ADCY5: variants seen among roughly 807,000 people sequenced by gnomAD.
ADCY5 encodes adenylate cyclase type 5.
A neutral mutation model predicts 119.7 loss-of-function variants in ADCY5; 30 were observed. The observed-to-expected ratio is 0.25, with a 90% CI of 0.19 to 0.34. The LOEUF (loss-of-function observed/expected upper bound fraction) is 0.34. Ranked by LOEUF, ADCY5 falls within the 10% of genes least tolerant of loss-of-function variation. The pLI, the probability that ADCY5 is intolerant of heterozygous loss-of-function variation, is 1.00. For synonymous variants in ADCY5, 753 were observed against 762.2 expected, an observed-to-expected ratio of 0.99 and a Z score of 0.20; for missense variants, 1,324 against 1,775.2, an observed-to-expected ratio of 0.75 and a Z score of 4.57.
intron 1 of ADCY5, among the ~76,000 whole-genome samples, chr3:123,440,030 A>C (rs1484718786): frequency 6.6e-6 from 1 of 152,240 alleles, no homozygotes; most frequent in African/African-American, 2.4e-5. Flanking sequence ...TTCCAAGCCG[A>C]GCTGCGTCGC....
At chr3:123,428,699 G>C (rs1050402167) in intron 1 of ADCY5, among the ~76,000 whole-genome samples, 9 of 152,230 alleles carry the variant, frequency 5.9e-5, no homozygotes, top group Non-Finnish European at 1.3e-4. Flanking sequence ...TCTCCCCCTG[G>C]GAAGAGCACT....
intron 1 of ADCY5, among the ~76,000 whole-genome samples, chr3:123,387,518 G>A (rs904693403): frequency 6.6e-6 from 1 of 152,098 alleles, no homozygotes; most frequent in African/African-American, 2.4e-5. Context: ...CAAAGTAGGT[G>A]ACAGTAACAA....
At chr3:123,321,398 T>C (rs895190299) in intron 8 of ADCY5, among the ~76,000 whole-genome samples, 3 of 152,162 alleles carry the variant, frequency 2.0e-5, no homozygotes, top group African/African-American at 4.8e-5. Flanking sequence ...TGCTGTTCTA[T>C]CAGAGTTGAG....
intron 1 of ADCY5, among the ~76,000 whole-genome samples, chr3:123,359,695 C>T (rs1943178255): frequency 6.6e-6 from 1 of 152,182 alleles, no homozygotes; most frequent in Non-Finnish European, 1.5e-5. Context: ...GAACCAGCTC[C>T]CCAAGCTCTG....
chr3:123,411,433 CCT>C (rs1390009345), intron 1 of ADCY5, among the ~76,000 whole-genome samples: 1 of 152,128 alleles, frequency 6.6e-6, no homozygotes, highest in East Asian at 1.9e-4. Context: ...GGGGGCCTGT[CCT>C]CGGCACCTAG....
rs72966519 is a variant in ADCY5, at chr3:123,385,788, A to G, written c.1135-33207T>C. Among the ~76,000 whole-genome samples, 473 of 152,342 alleles carry G rather than the reference A, an allele frequency of 3.1e-3. 3 individuals carry two copies. Among genetic ancestry groups the G allele is most frequent in the African/African-American group, 0.011 (454 of 41,570 alleles). On this transcript the variant is annotated intron_variant, in intron 1 of 20. Transcript: ENST00000462833. ...CAAGAGCTGCAGAGTTAAAGTAGAT[A>G]CTAGCTATCAGGATAATTCTCCCAT...
At chr3:123,368,480 C>A (rs1361345915) in intron 1 of ADCY5, among the ~76,000 whole-genome samples, 3 of 152,152 alleles carry the variant, frequency 2.0e-5, no homozygotes, top group African/African-American at 7.2e-5. Context: ...ACCTGTAATC[C>A]CAGCTACTTG....
intron 14 of ADCY5, among the ~76,000 whole-genome samples, chr3:123,301,456 G>A (rs1939848840): frequency 6.6e-6 from 1 of 152,194 alleles, no homozygotes; most frequent in African/African-American, 2.4e-5. Flanking sequence ...CTCAGTCTTT[G>A]GGAGGAGGGA....
intron 3 of ADCY5, among the ~76,000 whole-genome samples, chr3:123,337,970 T>G (rs1004416337): frequency 6.6e-6 from 1 of 152,144 alleles, no homozygotes; most frequent in Non-Finnish European, 1.5e-5. Flanking sequence ...CAGGAGCCCA[T>G]GAAGTCCACG....
intron 1 of ADCY5, among the ~76,000 whole-genome samples, chr3:123,387,570 C>T (rs899809138): frequency 5.3e-5 from 8 of 152,216 alleles, no homozygotes; most frequent in African/African-American, 1.4e-4. Context: ...CAGAGAAGCT[C>T]ATCTCTTACC....
chr3:123,345,117 GGAGTCA>G (rs1169265638), intron 3 of ADCY5, among the ~76,000 whole-genome samples: 2 of 152,186 alleles, frequency 1.3e-5, no homozygotes, highest in Non-Finnish European at 2.9e-5. Context: ...GACAGAGGGA[GGAGTCA>G]CCCCAAGGGC....
chr3:123,332,993 A>G lies in ADCY5; in HGVS notation c.1407-318T>C, dbSNP rs554401926. On this transcript the variant is annotated intron_variant, in intron 3 of 20. Coordinates refer to ENST00000462833, the MANE Select transcript of ADCY5 (RefSeq NM_183357.3). The stretch of plus-strand genomic sequence containing the variant: ...AGGCAGGTCTCAAACTCCTGGGCTC[A>G]AGCAATCCACCCACCTTGGCCTCAC... Among the ~76,000 whole-genome samples the G allele has an allele frequency of 7.9e-5, 12 of 151,490 alleles. No individual in the cohort carries two copies. The East Asian group carries it at 2.3e-3, about 30-fold the overall frequency.
intron 3 of ADCY5, among the ~76,000 whole-genome samples, chr3:123,337,550 G>C (rs1005020703): frequency 2.6e-5 from 4 of 152,222 alleles, no homozygotes; most frequent in Admixed American, 1.3e-4. Flanking sequence ...CTAGCTTCTG[G>C]AGGCAGCCGC....
intron 1 of ADCY5, among the ~76,000 whole-genome samples, chr3:123,375,422 G>A (rs1943791001): frequency 6.6e-6 from 1 of 152,382 alleles, no homozygotes; most frequent in East Asian, 1.9e-4. Context: ...GCTTCCTGAA[G>A]ACTCTGGGAC....
intron 1 of ADCY5, among the ~76,000 whole-genome samples, chr3:123,381,833 C>T (rs549913498): frequency 6.6e-6 from 1 of 152,284 alleles, no homozygotes; most frequent in East Asian, 1.9e-4. Flanking sequence ...TGGCTTCTAC[C>T]CTTGGGCCTG....
In ADCY5 at chr3:123,384,114, A is replaced by C. The variant is rs547277552; in HGVS notation, c.1135-31533T>G. On this transcript the variant is annotated intron_variant, in intron 1 of 20. Transcript: ENST00000462833. Reference sequence around the variant, plus strand: ...TAGTCCCTGCAGTTGTGAACCCAATAAGAAACTCCCAAATGTTATTACCAT... The same window carrying C: ...TAGTCCCTGCAGTTGTGAACCCAATCAGAAACTCCCAAATGTTATTACCAT... Among the ~76,000 whole-genome samples, 4 of 152,226 alleles carry C rather than the reference A, an allele frequency of 2.6e-5. No individual in the cohort carries two copies. In the South Asian group the frequency reaches 8.3e-4, roughly 32 times the overall value.
At chr3:123,433,795 C>T (rs1043202756) in intron 1 of ADCY5, among the ~76,000 whole-genome samples, 7 of 152,170 alleles carry the variant, frequency 4.6e-5, no homozygotes, top group Non-Finnish European at 7.3e-5. Flanking sequence ...CACCAGAAGA[C>T]GGGCTGTGCG....
intron 3 of ADCY5, among the ~76,000 whole-genome samples, chr3:123,342,711 C>T (rs1220872431): frequency 2.0e-5 from 3 of 149,964 alleles, no homozygotes; most frequent in Non-Finnish European, 3.0e-5. Context: ...CACCTACGAC[C>T]TTTAAAACCT....
intron 12 of ADCY5, among the ~76,000 whole-genome samples, chr3:123,306,976 A>T (rs559703760): frequency 6.6e-6 from 1 of 152,348 alleles, no homozygotes; most frequent in African/African-American, 2.4e-5. Flanking sequence ...TTTTAAGTGC[A>T]TGAAACCAGT....
Sources: allele counts gnomAD v4.1 joint callset (sites outside exome capture counted in the v4.1 genomes callset), GRCh38; gene constraint gnomAD v4.1.1; transcripts MANE v1.5; gene names NCBI Gene and HGNC (gene_info 2026-07-23, HGNC 2026-07-21).